RBFOX2: variants seen among roughly 807,000 people sequenced by gnomAD.
RBFOX2 encodes RNA binding fox-1 homolog 2.
Under a neutral mutation model 49.1 loss-of-function variants are expected in RBFOX2, and 10 were observed. The observed-to-expected ratio is 0.20, with a 90% confidence interval of 0.13 to 0.35. The LOEUF (loss-of-function observed/expected upper bound fraction) is 0.35. Ranked by LOEUF, RBFOX2 falls within the 10% of genes least tolerant of loss-of-function variation. RBFOX2 has a pLI of 1.00. For synonymous variants in RBFOX2, 183 were observed against 187.4 expected, an observed-to-expected ratio of 0.98 and a Z score of 0.19; for missense variants, 323 against 486.9, an observed-to-expected ratio of 0.66 and a Z score of 3.17.
At chr22:35,913,995 C>T (rs532929927) in intron 1 of RBFOX2, among the ~76,000 whole-genome samples, 9 of 152,152 alleles carry the variant, frequency 5.9e-5, no homozygotes, top group African/African-American at 1.2e-4. Flanking sequence ...GCTCTAGTAG[C>T]GGGGCTGTGA....
chr22:35,781,029 GA>G (rs1466833833), intron 3 of RBFOX2, among the ~76,000 whole-genome samples: 1 of 152,166 alleles, frequency 6.6e-6, no homozygotes, highest in Non-Finnish European at 1.5e-5. Context: ...AAAAAACAAA[GA>G]AGGCGACAGG....
intron 1 of RBFOX2, among the ~76,000 whole-genome samples, chr22:36,006,419 C>A (rs1324890780): frequency 6.6e-6 from 1 of 152,216 alleles, no homozygotes; most frequent in Non-Finnish European, 1.5e-5. Flanking sequence ...GAAGTCAGTA[C>A]AACTACATAT....
chr22:35,970,462 A>G (rs541939818), intron 1 of RBFOX2, among the ~76,000 whole-genome samples: 101 of 150,272 alleles, frequency 6.7e-4, no homozygotes, highest in Admixed American at 3.9e-3. Context: ...CAGCCTGGGC[A>G]ATACAGTGAG....
intron 1 of RBFOX2, among the ~76,000 whole-genome samples, chr22:35,985,184 C>T (rs2057647520): frequency 6.6e-6 from 1 of 152,020 alleles, no homozygotes; most frequent in Non-Finnish European, 1.5e-5. Flanking sequence ...GCTACAGACA[C>T]AATGAATATT....
intron 2 of RBFOX2, among the ~76,000 whole-genome samples, chr22:35,792,028 C>T (rs1569128405): frequency 1.3e-5 from 2 of 152,158 alleles, no homozygotes; most frequent in South Asian, 4.1e-4. Context: ...TCAAATTAGG[C>T]AACTATTGCT....
chr22:36,024,096 A>T (rs1223961364), intron 1 of RBFOX2, among the ~76,000 whole-genome samples: 1 of 152,234 alleles, frequency 6.6e-6, no homozygotes, highest in African/African-American at 2.4e-5. Context: ...ATCCTTTGAC[A>T]TTCAAAGTGC....
chr22:35,762,254 T>C (rs897659027), intron 6 of RBFOX2, among the ~76,000 whole-genome samples: 1 of 152,154 alleles, frequency 6.6e-6, no homozygotes, highest in African/African-American at 2.4e-5. Context: ...TTTCCCTTTT[T>C]TATATTTATA....
At chr22:35,945,590 G>A (rs1383521349) in intron 1 of RBFOX2, among the ~76,000 whole-genome samples, 1 of 152,106 alleles carries the variant, frequency 6.6e-6, no homozygotes, top group Non-Finnish European at 1.5e-5. Context: ...ACAGGCATGT[G>A]CCACTACACC....
intron 11 of RBFOX2, among the ~76,000 whole-genome samples, chr22:35,745,177 T>C (rs1190499785): frequency 6.6e-6 from 1 of 152,218 alleles, no homozygotes; most frequent in East Asian, 1.9e-4. Context: ...ACTCTACCCA[T>C]GTCCAGAGGT....
At chr22:36,008,494 G>C (rs2058697810) in intron 1 of RBFOX2, among the ~76,000 whole-genome samples, 1 of 152,130 alleles carries the variant, frequency 6.6e-6, no homozygotes, top group Admixed American at 6.6e-5. Flanking sequence ...GATTGATTCT[G>C]ATCTAAAATG....
intron 11 of RBFOX2, among the ~76,000 whole-genome samples, chr22:35,744,735 C>T (rs959163114): frequency 1.3e-5 from 2 of 152,236 alleles, no homozygotes; most frequent in African/African-American, 4.8e-5. Flanking sequence ...CACATCTAAA[C>T]CTGAGCCAGT....
At chr22:35,793,990 T>C (rs1261965667) in intron 2 of RBFOX2, among the ~76,000 whole-genome samples, 3 of 152,260 alleles carry the variant, frequency 2.0e-5, no homozygotes, top group African/African-American at 7.2e-5. Context: ...CAAGTCATTT[T>C]TTTAAACAGG....
chr22:35,862,382 G>A (rs867677172), intron 1 of RBFOX2, among the ~76,000 whole-genome samples: 1 of 150,564 alleles, frequency 6.6e-6, no homozygotes, highest in Non-Finnish European at 1.5e-5. Context: ...TTTGGAGGGG[G>A]GGGGGAATGA....
chr22:35,874,035 T>C (rs775230693), intron 1 of RBFOX2, among the ~76,000 whole-genome samples: 44 of 152,212 alleles, frequency 2.9e-4, no homozygotes, highest in Non-Finnish European at 5.0e-4. Flanking sequence ...GCACAAGGTC[T>C]TTCTTTCCCT....
chr22:35,850,510 T>G (rs1278772054), intron 1 of RBFOX2, among the ~76,000 whole-genome samples: 1 of 152,126 alleles, frequency 6.6e-6, no homozygotes, highest in Non-Finnish European at 1.5e-5. Flanking sequence ...CAGGGTACAC[T>G]TGCTCAGCTG....
At chr22:35,918,139 G>A (rs897890217) in intron 1 of RBFOX2, among the ~76,000 whole-genome samples, 2 of 152,198 alleles carry the variant, frequency 1.3e-5, no homozygotes, top group African/African-American at 4.8e-5. Context: ...TGTTAGGGCT[G>A]ACATGCCAAA....
intron 1 of RBFOX2, among the ~76,000 whole-genome samples, chr22:35,838,454 G>C (rs796879011): frequency 6.6e-6 from 1 of 152,038 alleles, no homozygotes; most frequent in Non-Finnish European, 1.5e-5. Flanking sequence ...GGGCGATGAA[G>C]TTCTAGATCC....
intron 1 of RBFOX2, among the ~76,000 whole-genome samples, chr22:35,863,763 C>T (rs1442236204): frequency 6.6e-6 from 1 of 152,138 alleles, no homozygotes; most frequent in Admixed American, 6.5e-5. Flanking sequence ...TGTCGTTTAC[C>T]CTGCTCACGA....
At chr22:35,908,069 GAAGTC>G (rs1421224501) in intron 1 of RBFOX2, among the ~76,000 whole-genome samples, 3 of 152,188 alleles carry the variant, frequency 2.0e-5, no homozygotes, top group African/African-American at 7.2e-5. Flanking sequence ...TTTAGGCCAA[GAAGTC>G]AACTGGTGTA....
Sources: gnomAD v4.1 joint callset for allele counts (sites outside exome capture counted in the v4.1 genomes callset) on GRCh38, gnomAD v4.1.1 for gene constraint, MANE v1.5 for transcripts, NCBI Gene and HGNC (gene_info 2026-07-23, HGNC 2026-07-21) for gene names.